The following SLC2A9 variants were observed in gnomAD, a reference collection of about 807,000 sequenced individuals.
SLC2A9 encodes solute carrier family 2 member 9.
In SLC2A9, 39 loss-of-function variants were observed where a neutral mutation model predicts 50.6. The ratio of observed to expected loss-of-function variants is 0.77; its 90% CI spans 0.60 to 1.01. The LOEUF (loss-of-function observed/expected upper bound fraction) is 1.01, where lower values mean the gene tolerates loss of function less well. Among genes scored for constraint, SLC2A9 ranks in the 50% least tolerant of loss-of-function variants. The probability of loss-of-function intolerance (pLI) is 0.00; values close to 1 mark genes in which losing one functional copy is unlikely to be tolerated. For synonymous variants in SLC2A9, 324 were observed against 276.9 expected, an observed-to-expected ratio of 1.17 and a Z score of -1.69; for missense variants, 686 against 677.6, an observed-to-expected ratio of 1.01 and a Z score of -0.14.
rs1180600626 is a variant in SLC2A9, at chr4:9,985,801, G to A, written c.411-8C>T. The A allele has an allele frequency of 1.9e-6, 3 of 1,614,002 alleles. No homozygotes were observed. The highest frequency in any genetic ancestry group is 1.7e-5 in the Admixed American group (1 of 60,016). On this transcript the variant is annotated splice_polypyrimidine_tract_variant and splice_region_variant and intron_variant, in intron 3 of 11. Coordinates refer to ENST00000264784, the MANE Select transcript of SLC2A9 (RefSeq NM_020041.3). Reference sequence around the variant, plus strand: ...GCCAGCAAAGTGTGCTTCCTGGAAAGAAAGGAAAGATTTGATGAAGATGTC... The same window carrying A: ...GCCAGCAAAGTGTGCTTCCTGGAAAAAAAGGAAAGATTTGATGAAGATGTC...
chr4:9,831,932 T>C (rs550423208), intron 11 of SLC2A9, among the ~76,000 whole-genome samples: 2 of 152,318 alleles, frequency 1.3e-5, no homozygotes, highest in South Asian at 2.1e-4. Flanking sequence ...GGGATAACAA[T>C]TGGTGTAGTT....
At chr4:9,958,874 G>A (rs6449159) in intron 5 of SLC2A9, among the ~76,000 whole-genome samples, 73,390 of 151,860 alleles carry the variant, frequency 0.48, 19,082 homozygotes, top group African/African-American at 0.67. Flanking sequence ...GGTGTTTAAT[G>A]TTGGAGAATT....
At chr4:9,808,536 GTAA>G (rs1005420781) in intron 3 of SLC2A9, among the ~76,000 whole-genome samples, 1 of 152,128 alleles carries the variant, frequency 6.6e-6, no homozygotes, top group African/African-American at 2.4e-5. Context: ...AATAATAGTA[GTAA>G]TAACTATTAC....
chr4:9,804,497 G>A (rs201420660), intron 3 of SLC2A9, among the ~76,000 whole-genome samples: 2 of 152,040 alleles, frequency 1.3e-5, no homozygotes, highest in Non-Finnish European at 2.9e-5. Context: ...ATGGTGAGGG[G>A]TAGGACCCTC....
At position 9,847,209 on chromosome 4, in the gene SLC2A9, T is replaced by C. The variant is rs115474850; in HGVS notation, c.1292-12201A>G. On this transcript the variant is annotated intron_variant, in intron 10 of 11. Coordinates refer to ENST00000264784, the MANE Select transcript of SLC2A9 (RefSeq NM_020041.3). ...ATGAAGAAAAGAGGCTTAATTGACT[T>C]ACAGTTCTGCACGGCTGGAGAAGCC... Among the ~76,000 whole-genome samples, 822 of 152,324 alleles carry C rather than the reference T, an allele frequency of 5.4e-3. 6 individuals carry two copies. Among genetic ancestry groups the C allele is most frequent in the African/African-American group, 0.019 (791 of 41,576 alleles).
chr4:9,855,204 G>A (rs1730545258), intron 10 of SLC2A9, among the ~76,000 whole-genome samples: 1 of 152,160 alleles, frequency 6.6e-6, no homozygotes. Flanking sequence ...TTTATACTTA[G>A]AAAACCCCAT....
chr4:10,017,666 G>A (rs1392972888), intron 2 of SLC2A9, among the ~76,000 whole-genome samples: 1 of 152,222 alleles, frequency 6.6e-6, no homozygotes, highest in Non-Finnish European at 1.5e-5. Context: ...ACACAAGGAT[G>A]CTGGACTCCC....
At chr4:9,865,167 G>A (rs961489662) in intron 10 of SLC2A9, among the ~76,000 whole-genome samples, 7 of 152,186 alleles carry the variant, frequency 4.6e-5, no homozygotes, top group African/African-American at 1.7e-4. Context: ...TTGCCCCCAG[G>A]GAACATTTGG....
chr4:9,960,773 A>C (rs1027445634), intron 5 of SLC2A9, among the ~76,000 whole-genome samples: 1 of 152,126 alleles, frequency 6.6e-6, no homozygotes, highest in African/African-American at 2.4e-5. Flanking sequence ...AGGCCCAGGG[A>C]GTGGCATGAG....
At chr4:9,837,289 T>C (rs1168766384) in intron 10 of SLC2A9, among the ~76,000 whole-genome samples, 1 of 152,218 alleles carries the variant, frequency 6.6e-6, no homozygotes, top group African/African-American at 2.4e-5. Flanking sequence ...TTGAACTGTG[T>C]GAGAATAATG....
chr4:9,992,884 T>C (rs1170033851), intron 3 of SLC2A9, among the ~76,000 whole-genome samples: 1 of 152,230 alleles, frequency 6.6e-6, no homozygotes, highest in African/African-American at 2.4e-5. Context: ...CCCTCATAGC[T>C]GCTCCCTCAG....
At chr4:10,023,973 G>T (rs934647361), upstream of SLC2A9, among the ~76,000 whole-genome samples, 3 of 152,194 alleles carry the variant, frequency 2.0e-5, no homozygotes, top group Non-Finnish European at 2.9e-5. Flanking sequence ...GCTGGGGCAC[G>T]TTCTGCCTGC....
chr4:10,008,573 T>C (rs1316959175), intron 2 of SLC2A9, among the ~76,000 whole-genome samples: 3 of 152,284 alleles, frequency 2.0e-5, no homozygotes, highest in Middle Eastern at 3.4e-3. Context: ...TCCAATAGCA[T>C]AGAAAGGTGC....
intron 3 of SLC2A9, among the ~76,000 whole-genome samples, chr4:9,991,038 C>T (rs1334898698): frequency 6.6e-6 from 1 of 152,228 alleles, no homozygotes; most frequent in African/African-American, 2.4e-5. Context: ...TTTCCCAGTG[C>T]TGCCTGCAGC....
chr4:9,834,833 C>G (rs763132695), intron 11 of SLC2A9, 48 bp downstream of exon 11: 19 of 1,613,424 alleles, frequency 1.2e-5, no homozygotes, highest in Non-Finnish European at 1.6e-5. Flanking sequence ...TCAAGTGCTG[C>G]AGAATCAAAG....
At chr4:9,950,519 C>G (rs1478900612) in intron 5 of SLC2A9, among the ~76,000 whole-genome samples, 2 of 152,174 alleles carry the variant, frequency 1.3e-5, no homozygotes, top group Non-Finnish European at 2.9e-5. Flanking sequence ...TATCACTAAT[C>G]ATCAGAGAAA....
At chr4:9,861,950 G>A (rs1342014153) in intron 10 of SLC2A9, among the ~76,000 whole-genome samples, 1 of 152,226 alleles carries the variant, frequency 6.6e-6, no homozygotes, top group Non-Finnish European at 1.5e-5. Flanking sequence ...TCCTTACCAC[G>A]GAGTTATGAG....
chr4:9,812,187 A>G (rs957099509), intron 3 of SLC2A9, among the ~76,000 whole-genome samples: 2 of 152,176 alleles, frequency 1.3e-5, no homozygotes, highest in Admixed American at 6.5e-5. Flanking sequence ...GTTAGTTCCT[A>G]TATCTCTCAA....
At chr4:9,818,158 A>G (rs1219503659) in intron 3 of SLC2A9, among the ~76,000 whole-genome samples, 1 of 152,144 alleles carries the variant, frequency 6.6e-6, no homozygotes, top group African/African-American at 2.4e-5. Flanking sequence ...GACCCTAGCC[A>G]TGCTGAGCGG....
Sources: allele counts gnomAD v4.1 joint callset (sites outside exome capture counted in the v4.1 genomes callset), GRCh38; gene constraint gnomAD v4.1.1; transcripts MANE v1.5; gene names NCBI Gene and HGNC (gene_info 2026-07-23, HGNC 2026-07-21).